The following C5AR2 variants were observed in gnomAD, a reference collection of about 807,000 sequenced individuals.
The protein encoded by C5AR2 is complement C5a receptor 2, also known as C5a anaphylatoxin chemotactic receptor 2.
For synonymous variants in C5AR2, 224 were observed against 216.5 expected, an observed-to-expected ratio of 1.03 and a Z score of -0.30; for missense variants, 458 against 467.5, an observed-to-expected ratio of 0.98 and a Z score of 0.19.
rs1969065618 is a variant in C5AR2, at chr19:47,342,811, CAG to C, written c.*1001_*1002del. On this transcript the variant is annotated 3_prime_UTR_variant, in exon 2 of 2. Transcript: ENST00000595464. Reference sequence around the variant, plus strand: ...GTGATAGCGATTTGGATCAGGGTAACAGAGCTGAGGTGGTGAGAGGCTGACAG... The same window carrying C: ...GTGATAGCGATTTGGATCAGGGTAACAGCTGAGGTGGTGAGAGGCTGACAG... 1 of 152,238 alleles carries C rather than the reference CAG, an allele frequency of 6.6e-6. No individual in the cohort carries two copies. Among genetic ancestry groups the C allele is most frequent in the Non-Finnish European group, 1.5e-5 (1 of 68,236 alleles). The allele number at this position is 152,238 out of a possible 1,614,324, so 9.4% of individuals were successfully genotyped here. A position where few individuals can be genotyped will look rare whatever the true frequency, so the allele number is the denominator to read the frequency against.
At position 47,343,168 on chromosome 19, in the gene C5AR2, G is replaced by A. The variant is rs1394394007; in HGVS notation, c.*1355G>A. ...GGGTCAGTCACAGGAGGTGACAACGGAAGCAGATGTCATAGTGACGTGAGG... is the reference window on the plus strand; with the variant it reads ...GGGTCAGTCACAGGAGGTGACAACGAAAGCAGATGTCATAGTGACGTGAGG... On this transcript the variant is annotated 3_prime_UTR_variant, in exon 2 of 2. Transcript: ENST00000595464. The A allele has an allele frequency of 6.6e-6, 1 of 152,168 alleles. No individual in the cohort carries two copies. Among genetic ancestry groups the A allele is most frequent in the Non-Finnish European group, 1.5e-5 (1 of 68,050 alleles). The allele number at this position is 152,168 out of a possible 1,614,324, so 9.4% of individuals were successfully genotyped here. A position where few individuals can be genotyped will look rare whatever the true frequency, so the allele number is the denominator to read the frequency against.
Position 47,342,041 on chromosome 19 carries a change from G to A in C5AR2, c.*228G>A. ...TCAGGGAGCTGATATTCTTCTAGTG[G>A]AGGAAGACAGACTATAAACAAAGAT... On this transcript the variant is annotated 3_prime_UTR_variant, in exon 2 of 2. Coordinates refer to ENST00000595464, the MANE Select transcript of C5AR2 (RefSeq NM_001271749.2). 1.8e-6 allele frequency: 1 copy of A among 551,504 alleles called. No individual in the cohort carries two copies. Among genetic ancestry groups the A allele is most frequent in the Non-Finnish European group, 3.3e-6 (1 of 300,634 alleles). 34.2% of individuals were successfully genotyped at this position (551,504 alleles called of 1,614,324 possible). A position where few individuals can be genotyped will look rare whatever the true frequency, so the allele number is the denominator to read the frequency against.
Position 47,342,377 on chromosome 19 carries a change from T to G in C5AR2, c.*564T>G, listed in dbSNP as rs1271696212. 1 of 147,004 alleles carries G rather than the reference T, an allele frequency of 6.8e-6. No homozygotes were observed. The highest frequency in any genetic ancestry group is 6.8e-5 in the Admixed American group (1 of 14,686). The allele number at this position is 147,004 out of a possible 1,614,324, so 9.1% of individuals were successfully genotyped here. On this transcript the variant is annotated 3_prime_UTR_variant, in exon 2 of 2. Transcript: ENST00000595464. ...TCTCAAAAAATAAATAAATAAAAGA[T>G]TCTATTTATTTATTTATTTTTTTGA...
chr19:47,341,428 T>G lies in C5AR2; in HGVS notation c.629T>G (p.Leu210Arg). 1 of 1,612,146 alleles carries G rather than the reference T, an allele frequency of 6.2e-7. No individual in the cohort carries two copies. Among genetic ancestry groups the G allele is most frequent in the Non-Finnish European group, 8.5e-7 (1 of 1,179,846 alleles). The change falls in exon 2 of 2, where the codon CTG (leucine) becomes CGG (arginine). Residue 210 changes from leucine (L) to arginine (R), a missense_variant. Leu to Arg is a moderately radical substitution (Grantham distance 102). Coordinates refer to ENST00000595464, the MANE Select transcript of C5AR2 (RefSeq NM_001271749.2). This position sits in a 1 kb window ranked among gnomAD's most constrained non-coding sequence, Gnocchi z 4.6. ...VTAIRFLFGF[L>R]GPLVAVASCH... ...GCCATCCGGTTTCTTTTTGGCTTCC[T>G]GGGGCCCCTGGTGGCCGTGGCCAGC...
In C5AR2 at chr19:47,343,863, ATT is replaced by A. The variant is rs1969080946; in HGVS notation, c.*2053_*2054del. Reference sequence around the variant, plus strand: ...AAAAAAAAAAAGAAAGAAAGAATAAATTTTCATTTCAAATTTAGTTCCTCGGG... The same window carrying A: ...AAAAAAAAAAAGAAAGAAAGAATAAATTCATTTCAAATTTAGTTCCTCGGG... On this transcript the variant is annotated 3_prime_UTR_variant, in exon 2 of 2. Coordinates refer to ENST00000595464, the MANE Select transcript of C5AR2 (RefSeq NM_001271749.2). 1 of 151,824 alleles carries A rather than the reference ATT, an allele frequency of 6.6e-6. No individual in the cohort carries two copies. The highest frequency in any genetic ancestry group is 2.4e-5 in the African/African-American group (1 of 41,280). 9.4% of individuals were successfully genotyped at this position (151,824 alleles called of 1,614,324 possible). A position where few individuals can be genotyped will look rare whatever the true frequency, so the allele number is the denominator to read the frequency against.
chr19:47,335,771 CAAAAAAAAAAAAAAA>C (rs768761019), intron 1 of C5AR2, among the ~76,000 whole-genome samples: 251 of 23,052 alleles, frequency 0.011, 10 homozygotes, highest in African/African-American at 0.051. Flanking sequence ...TACTCCGTCT[CAAAAAAAAAAAAAAA>C]AAAAAAAAAA....
At chr19:47,340,366 A>C (rs1026306231) in intron 1 of C5AR2, among the ~76,000 whole-genome samples, 1 of 135,348 alleles carries the variant, frequency 7.4e-6, no homozygotes, top group Non-Finnish European at 1.6e-5. Flanking sequence ...TTTTTTTTTG[A>C]GATGGAGTCT....
At chr19:47,336,390 AG>A (rs898375600) in intron 1 of C5AR2, among the ~76,000 whole-genome samples, 2 of 150,984 alleles carry the variant, frequency 1.3e-5, no homozygotes, top group Non-Finnish European at 1.5e-5. Flanking sequence ...GTGCCCGGCT[AG>A]GGGGGGTTCA....
In C5AR2 at chr19:47,341,416, T is replaced by C. The variant is rs1235987068; in HGVS notation, c.617T>C (p.Leu206Pro). The C allele has an allele frequency of 1.9e-6, 3 of 1,612,430 alleles. No homozygotes were observed. Among genetic ancestry groups the C allele is most frequent in the Non-Finnish European group, 2.5e-6 (3 of 1,179,858 alleles). ...AATGCGGTGACTGCCATCCGGTTTC[T>C]TTTTGGCTTCCTGGGGCCCCTGGTG... ...TENAVTAIRFLFGFLGPLVAV... is the reference protein window; with the variant it reads ...TENAVTAIRFPFGFLGPLVAV... Residue 206 changes from leucine to proline, a missense_variant, in exon 2 of 2, where the codon CTT (leucine) becomes CCT (proline). By Grantham distance (98) the Leu-to-Pro change is moderately conservative. Coordinates refer to ENST00000595464, the MANE Select transcript of C5AR2 (RefSeq NM_001271749.2). This position sits in a 1 kb window ranked among gnomAD's most constrained non-coding sequence, Gnocchi z 4.6.
At position 47,343,655 on chromosome 19, in the gene C5AR2, A is replaced by G. The variant is rs111659026; in HGVS notation, c.*1842A>G. The G allele has an allele frequency of 0.019, 2,845 of 151,814 alleles. 37 individuals are homozygous for G. The highest frequency in any genetic ancestry group is 0.029 in the Non-Finnish European group (2,003 of 67,930). 9.4% of individuals were successfully genotyped at this position (151,814 alleles called of 1,614,324 possible). A position where few individuals can be genotyped will look rare whatever the true frequency, so the allele number is the denominator to read the frequency against. On this transcript the variant is annotated 3_prime_UTR_variant, in exon 2 of 2. Transcript: ENST00000595464. The stretch of plus-strand genomic sequence containing the variant: ...ACCCCATCTCTACAAAAAATACAAA[A>G]ATTAGCCAGACGTGGTGGGGCGTGC...
chr19:47,338,840 AAATAGT>A lies in C5AR2; in HGVS notation c.-15-1940_-15-1935del, dbSNP rs1377407828. 5.9e-5 allele frequency among the ~76,000 whole-genome samples: 9 copies of A among 151,468 alleles called. No homozygotes were observed. The East Asian group carries it at 1.7e-3, about 29-fold the overall frequency. On this transcript the variant is annotated intron_variant, in intron 1 of 1. Coordinates refer to ENST00000595464, the MANE Select transcript of C5AR2 (RefSeq NM_001271749.2). ...CTACAGAGCCAGACCCTGTCTCAAAAAATAGTAATAATATAGTAATAATATTATTGT... is the reference window on the plus strand; with the variant it reads ...CTACAGAGCCAGACCCTGTCTCAAAAAATAATATAGTAATAATATTATTGT...
intron 1 of C5AR2, among the ~76,000 whole-genome samples, chr19:47,337,653 C>T (rs2059363603): frequency 6.6e-6 from 1 of 151,582 alleles, no homozygotes; most frequent in African/African-American, 2.4e-5. Flanking sequence ...CAGAGCGAGA[C>T]TCTGTCTCAA....
intron 1 of C5AR2, among the ~76,000 whole-genome samples, chr19:47,334,176 A>G (rs1178674159): frequency 2.6e-5 from 4 of 152,098 alleles, no homozygotes; most frequent in African/African-American, 9.7e-5. Flanking sequence ...TATTGACCTC[A>G]AGGGTTTGTG....
Position 47,347,269 on chromosome 19 carries a change from TTTG to T in C5AR2, c.*5462_*5464del, listed in dbSNP as rs562231676. Reference sequence around the variant, plus strand: ...ACTGTGGCTTTCTTGTTGATTTCCATTTGTTGTTCATTTCCTCCAATTTTCCTT... The same window carrying T: ...ACTGTGGCTTTCTTGTTGATTTCCATTTGTTCATTTCCTCCAATTTTCCTT... On this transcript the variant is annotated 3_prime_UTR_variant, in exon 2 of 2. Coordinates refer to ENST00000595464, the MANE Select transcript of C5AR2 (RefSeq NM_001271749.2). 243 of 152,286 alleles carry T rather than the reference TTTG, an allele frequency of 1.6e-3. No homozygotes were observed. The highest frequency in any genetic ancestry group is 5.7e-3 in the African/African-American group (235 of 41,576). 9.4% of individuals were successfully genotyped at this position (152,286 alleles called of 1,614,324 possible). A position where few individuals can be genotyped will look rare whatever the true frequency, so the allele number is the denominator to read the frequency against.
chr19:47,340,674 G>C (rs188553472), intron 1 of C5AR2, 111 bp from the exon 2 acceptor site: 4 of 945,654 alleles, frequency 4.2e-6, no homozygotes, highest in Non-Finnish European at 6.7e-6. Context: ...TCCTTATGAC[G>C]CAATATTCCA....
intron 1 of C5AR2, among the ~76,000 whole-genome samples, chr19:47,334,624 G>T (rs905975424): frequency 3.3e-5 from 5 of 152,004 alleles, no homozygotes; most frequent in African/African-American, 1.2e-4. Context: ...TGAACAAGAC[G>T]AAAACACAAA....
At position 47,337,951 on chromosome 19, in the gene C5AR2, G is replaced by A. The variant is rs572270174; in HGVS notation, c.-15-2834G>A. Among the ~76,000 whole-genome samples the A allele has an allele frequency of 1.4e-3, 213 of 151,686 alleles. 3 individuals are homozygous for A. The highest frequency in any genetic ancestry group is 5.1e-3 in the African/African-American group (210 of 41,304). On this transcript the variant is annotated intron_variant, in intron 1 of 1. Transcript: ENST00000595464. ...GCCCCGGGCATGGTGGTGCACGCCTGTAATCCCAGCTACTCGGGAGGCTTG... is the reference window on the plus strand; with the variant it reads ...GCCCCGGGCATGGTGGTGCACGCCTATAATCCCAGCTACTCGGGAGGCTTG...
rs538467928 is a variant in C5AR2 at position 47,340,236 on chromosome 19, C to T, written c.-15-549C>T. Among the ~76,000 whole-genome samples the T allele has an allele frequency of 8.2e-4, 124 of 151,998 alleles. 1 individual carries two copies. Among genetic ancestry groups the T allele is most frequent in the Non-Finnish European group, 1.6e-3 (108 of 68,026 alleles). ...CCTCTCAAATCGTTGGGATTACAGG[C>T]CTGAACCACCGTGCCCAGCCCCAAT... is the stretch of plus-strand genomic sequence containing the variant. On this transcript the variant is annotated intron_variant, in intron 1 of 1. Coordinates refer to ENST00000595464, the MANE Select transcript of C5AR2 (RefSeq NM_001271749.2).
At chr19:47,336,433 TTTCCTTCCTTCCTTCC>T (rs1241762416) in intron 1 of C5AR2, among the ~76,000 whole-genome samples, 1 of 128,924 alleles carries the variant, frequency 7.8e-6, no homozygotes, top group South Asian at 2.6e-4. Flanking sequence ...TCTTTCTTTC[TTTCCTTCCTTCCTTCC>T]TTCCTTCCTT....
Sources: gnomAD v4.1 joint callset for allele counts (sites outside exome capture counted in the v4.1 genomes callset) on GRCh38, gnomAD v4.1.1 for gene constraint, Gnocchi (gnomAD v3.1) non-coding constraint, MANE v1.5 for transcripts, NCBI Gene and HGNC (gene_info 2026-07-23, HGNC 2026-07-21) for gene names.